Variants in LAMA1 observed in about 807,000 individuals in gnomAD.
LAMA1 encodes laminin subunit alpha-1.
A neutral mutation model predicts 348.7 loss-of-function variants in LAMA1; 219 were observed. That is an observed-to-expected ratio of 0.63 (90% CI 0.56 to 0.70). The LOEUF is 0.70. Among genes scored for constraint, LAMA1 ranks in the 30% least tolerant of loss-of-function variants. The pLI, the probability that LAMA1 is intolerant of heterozygous loss-of-function variation, is 0.00. For synonymous variants in LAMA1, 1,487 were observed against 1,491.0 expected (o/e 1.00, Z 0.06); for missense variants, 3,744 against 3,888.0 (o/e 0.96, Z 0.99).
intron 3 of LAMA1, among the ~76,000 whole-genome samples, chr18:7,073,548 T>C (rs2058154523): frequency 6.6e-6 from 1 of 152,216 alleles, no homozygotes; most frequent in African/African-American, 2.4e-5. Context: ...TTTAGCGTAA[T>C]GTTTCCAGGG....
chr18:6,962,566 G>A (rs1600352507), intron 51 of LAMA1, among the ~76,000 whole-genome samples: 1 of 152,122 alleles, frequency 6.6e-6, no homozygotes. Flanking sequence ...CTCTCCTTAG[G>A]ACTAGAGAAA....
In LAMA1 at chr18:7,032,058, A is replaced by T. The variant is rs201281225; in HGVS notation, c.2274+8T>A. 16 of 1,611,340 alleles carry T rather than the reference A, an allele frequency of 9.9e-6. No individual in the cohort carries two copies. In the East Asian group the frequency reaches 3.6e-4, roughly 36 times the overall value. Reference sequence around the variant, plus strand: ...GAGAGGGCACCTGAACTACAGTGAGAGACTCACAATGCAAACGCCGTGAAC... The same window carrying T: ...GAGAGGGCACCTGAACTACAGTGAGTGACTCACAATGCAAACGCCGTGAAC... On this transcript the variant is annotated splice_region_variant and intron_variant, in intron 16 of 62. Transcript: ENST00000389658.
At chr18:7,088,015 T>A (rs2058224484) in intron 1 of LAMA1, among the ~76,000 whole-genome samples, 1 of 152,230 alleles carries the variant, frequency 6.6e-6, no homozygotes, top group South Asian at 2.1e-4. Flanking sequence ...TATATTTGAA[T>A]CTCTGTTTCT....
At chr18:6,979,621 C>T (rs890196063) in intron 42 of LAMA1, among the ~76,000 whole-genome samples, 2 of 152,224 alleles carry the variant, frequency 1.3e-5, no homozygotes, top group South Asian at 2.1e-4. Context: ...AACTTTAGGC[C>T]AGGCGCGGTG....
At chr18:7,088,643 G>A (rs565247009) in intron 1 of LAMA1, among the ~76,000 whole-genome samples, 5 of 151,834 alleles carry the variant, frequency 3.3e-5, no homozygotes, top group South Asian at 4.2e-4. Flanking sequence ...TCAGCCTCCC[G>A]AGTACCTGGG....
intron 3 of LAMA1, among the ~76,000 whole-genome samples, chr18:7,057,668 G>A (rs373268291): frequency 2.7e-4 from 41 of 150,978 alleles, no homozygotes; most frequent in African/African-American, 9.2e-4. Context: ...TCATAGTCAC[G>A]GGGTCTCACT....
chr18:6,986,371 T>G, intron 36 of LAMA1, 24 bp from the exon 37 acceptor site: 1 of 1,606,978 alleles, frequency 6.2e-7, no homozygotes, highest in Non-Finnish European at 8.5e-7. Context: ...ATGGTTCACA[T>G]AGTAAGTAAA....
intron 1 of LAMA1, among the ~76,000 whole-genome samples, chr18:7,085,450 G>A (rs1287351910): frequency 2.9e-5 from 3 of 104,424 alleles, no homozygotes; most frequent in South Asian, 3.0e-4. Context: ...CAAGAGTCTT[G>A]CTCTGTCGCC....
At chr18:7,101,073 G>C (rs896935713) in intron 1 of LAMA1, among the ~76,000 whole-genome samples, 3 of 152,260 alleles carry the variant, frequency 2.0e-5, no homozygotes, top group East Asian at 3.9e-4. Context: ...GAAATTTCCA[G>C]AACAGGCACT....
chr18:7,096,435 G>A (rs973966513), intron 1 of LAMA1, among the ~76,000 whole-genome samples: 1 of 152,130 alleles, frequency 6.6e-6, no homozygotes, highest in East Asian at 1.9e-4. Flanking sequence ...CCAGCATTTT[G>A]AGAAGTCGGG....
intron 1 of LAMA1, among the ~76,000 whole-genome samples, chr18:7,113,317 G>A (rs1053764420): frequency 2.6e-5 from 4 of 152,218 alleles, no homozygotes; most frequent in African/African-American, 7.2e-5. Context: ...GCGTATCCCA[G>A]ATAATGCCTC....
In LAMA1 at chr18:7,007,158, G is replaced by A. The variant is rs556268968; in HGVS notation, c.4241C>T (p.Pro1414Leu). Residue 1414 changes from proline to leucine, a missense_variant, in exon 29 of 63, where the codon CCC (proline) becomes CTC (leucine). Coordinates refer to ENST00000389658, the MANE Select transcript of LAMA1 (RefSeq NM_005559.4). Reference sequence around the variant, plus strand: ...GCATACCAGACACTTCCCGGTGTTGGGGTCACAGGTGTCACTGTGGTTGTT... The same window carrying A: ...GCATACCAGACACTTCCCGGTGTTGAGGTCACAGGTGTCACTGTGGTTGTT... ...SCNNHSDTCD[P>L]NTGKCLNCGD... The A allele has an allele frequency of 9.3e-6, 15 of 1,613,964 alleles. No homozygotes were observed. The East Asian group carries it at 3.1e-4, about 34-fold the overall frequency.
chr18:6,982,883 T>G (rs982923957), intron 40 of LAMA1, among the ~76,000 whole-genome samples: 4 of 152,324 alleles, frequency 2.6e-5, no homozygotes, highest in African/African-American at 9.6e-5. Context: ...AAATGTGAGA[T>G]TGTTCTCATC....
chr18:6,981,688 A>T (rs1267462091), intron 41 of LAMA1, among the ~76,000 whole-genome samples: 1 of 152,204 alleles, frequency 6.6e-6, no homozygotes, highest in Non-Finnish European at 1.5e-5. Context: ...TGAGAAAAAA[A>T]AATTATGTAC....
At chr18:7,046,635 A>G (rs1191743302) in intron 5 of LAMA1, among the ~76,000 whole-genome samples, 1 of 152,228 alleles carries the variant, frequency 6.6e-6, no homozygotes, top group Non-Finnish European at 1.5e-5. Context: ...TAATGTTTCA[A>G]AACTCATTAT....
intron 3 of LAMA1, among the ~76,000 whole-genome samples, chr18:7,057,852 T>C (rs2058088465): frequency 1.3e-5 from 2 of 151,554 alleles, no homozygotes; most frequent in Non-Finnish European, 2.9e-5. Flanking sequence ...TGGAGTGCAG[T>C]GGTGCGATCT....
At chr18:6,980,683 A>C (rs976650243) in intron 41 of LAMA1, 46 bp from the exon 42 acceptor site, 1 of 1,211,120 alleles carries the variant, frequency 8.3e-7, no homozygotes, top group East Asian at 2.3e-5. Context: ...AGCCTACAAA[A>C]AAGTTGCCTA....
intron 1 of LAMA1, among the ~76,000 whole-genome samples, chr18:7,109,884 G>A (rs1377083114): frequency 6.6e-6 from 1 of 152,104 alleles, no homozygotes; most frequent in Admixed American, 6.6e-5. Flanking sequence ...TCACAGACCC[G>A]ATAAAAAGCA....
chr18:6,969,451 C>T (rs1031312158), intron 48 of LAMA1, among the ~76,000 whole-genome samples: 3 of 152,172 alleles, frequency 2.0e-5, no homozygotes, highest in Admixed American at 2.0e-4. Context: ...TTAAAGGCTC[C>T]GATGGCCTCG....
Sources: allele counts gnomAD v4.1 joint callset (sites outside exome capture counted in the v4.1 genomes callset), GRCh38; gene constraint gnomAD v4.1.1; transcripts MANE v1.5; gene names NCBI Gene and HGNC (gene_info 2026-07-23, HGNC 2026-07-21).